The following CLEC16A variants were observed in gnomAD, a reference collection of about 807,000 sequenced individuals.
CLEC16A encodes C-type lectin domain containing 16A.
CLEC16A carries 51 observed loss-of-function variants against 109.5 expected under a neutral mutation model. That is an observed-to-expected ratio of 0.47 (90% confidence interval 0.37 to 0.59). CLEC16A has a LOEUF of 0.59. CLEC16A is among the 20% of genes least tolerant of loss of function. The pLI, the probability that CLEC16A is intolerant of heterozygous loss-of-function variation, is 0.00. For missense variants in CLEC16A, 1,339 were observed against 1,394.0 expected (o/e 0.96, Z 0.63); for synonymous variants, 673 against 564.2 (o/e 1.19, Z -2.73).
At chr16:11,065,044 T>G (rs1365980286) in intron 19 of CLEC16A, among the ~76,000 whole-genome samples, 1 of 152,124 alleles carries the variant, frequency 6.6e-6, no homozygotes, top group Non-Finnish European at 1.5e-5. Context: ...TGGCACTGTT[T>G]TGAGGGGTAA....
At position 10,969,329 on chromosome 16, in the gene CLEC16A, G is replaced by T; in HGVS notation, c.492+20G>T. On this transcript the variant is annotated intron_variant, in intron 4 of 23. Coordinates refer to ENST00000409790, the MANE Select transcript of CLEC16A (RefSeq NM_015226.3). Reference sequence around the variant, plus strand: ...AATGAGGTAAGTAATTGCCAGAGGGGCACGTGTGGGTGTAAAGCCACACGT... The same window carrying T: ...AATGAGGTAAGTAATTGCCAGAGGGTCACGTGTGGGTGTAAAGCCACACGT... 6.4e-7 allele frequency: 1 copy of T among 1,568,628 alleles called. No homozygotes were observed. Among genetic ancestry groups the T allele is most frequent in the Non-Finnish European group, 8.6e-7 (1 of 1,161,382 alleles).
intron 22 of CLEC16A, among the ~76,000 whole-genome samples, chr16:11,165,702 C>A (rs1461205253): frequency 6.6e-6 from 1 of 152,112 alleles, no homozygotes; most frequent in African/African-American, 2.4e-5. Flanking sequence ...GCACCCAGGT[C>A]TGAGTGTCTC....
intron 9 of CLEC16A, among the ~76,000 whole-genome samples, chr16:10,981,923 G>A (rs2043343527): frequency 6.6e-6 from 1 of 152,240 alleles, no homozygotes; most frequent in East Asian, 1.9e-4. Flanking sequence ...TCTAGTGGGT[G>A]GAGGTCAGGG....
chr16:11,005,395 C>A (rs7192695), intron 11 of CLEC16A, among the ~76,000 whole-genome samples: 1 of 152,002 alleles, frequency 6.6e-6, no homozygotes. Flanking sequence ...TTAGCCAGAT[C>A]GTGCCACACA....
At chr16:11,091,742 C>G (rs187661920) in intron 19 of CLEC16A, among the ~76,000 whole-genome samples, 62 of 152,292 alleles carry the variant, frequency 4.1e-4, no homozygotes, top group Admixed American at 1.0e-3. Flanking sequence ...GCCTGAAACA[C>G]AGCAGGCCTC....
intron 10 of CLEC16A, 58 bp downstream of exon 10, chr16:10,983,049 CTG>C (rs1567539829): frequency 1.1e-6 from 1 of 938,704 alleles, no homozygotes; most frequent in Admixed American, 1.9e-5. Context: ...TTTTGCTAAT[CTG>C]TGTGTTTCTC....
At position 11,178,288 on chromosome 16, in the gene CLEC16A, G is replaced by T. The variant is rs1227074839; in HGVS notation, c.2807-47G>T. 2.0e-6 allele frequency: 3 copies of T among 1,516,584 alleles called. No individual in the cohort carries two copies. The highest frequency in any genetic ancestry group is 1.2e-5 in the South Asian group (1 of 82,356). 93.9% of individuals were successfully genotyped at this position (1,516,584 alleles called of 1,614,324 possible). A position where few individuals can be genotyped will look rare whatever the true frequency, so the allele number is the denominator to read the frequency against. ...GGAGCACAGGGCGCAGTGCGACGGG[G>T]TGTCTCAAGGGCTCAGTGTGTTTCC... On this transcript the variant is annotated intron_variant, in intron 23 of 23. Transcript: ENST00000409790. The surrounding 1 kb of genome is among the most constrained non-coding windows in gnomAD (Gnocchi z 6.5).
At chr16:11,093,767 C>T (rs2050448845) in intron 19 of CLEC16A, among the ~76,000 whole-genome samples, 2 of 152,146 alleles carry the variant, frequency 1.3e-5, no homozygotes, top group African/African-American at 4.8e-5. Flanking sequence ...AGAAGGGGCC[C>T]TGCTGAAGGA....
At chr16:11,160,119 T>A (rs1337703364) in intron 22 of CLEC16A, among the ~76,000 whole-genome samples, 1 of 152,000 alleles carries the variant, frequency 6.6e-6, no homozygotes, top group Non-Finnish European at 1.5e-5. Context: ...AAGGGTAGAT[T>A]TTTTTTTAAG....
Position 10,985,216 on chromosome 16 carries a change from A to AT in CLEC16A, c.1071+2225_1071+2226insT, listed in dbSNP as rs1320649141. Among the ~76,000 whole-genome samples the AT allele has an allele frequency of 4.9e-3, 575 of 117,008 alleles. 1 individual carries two copies. Among genetic ancestry groups the AT allele is most frequent in the African/African-American group, 0.021 (539 of 25,318 alleles). The allele number at this position is 117,008 out of a possible 152,430, so 76.8% of individuals were successfully genotyped here. A position where few individuals can be genotyped will look rare whatever the true frequency, so the allele number is the denominator to read the frequency against. On this transcript the variant is annotated intron_variant, in intron 10 of 23. Transcript: ENST00000409790. The stretch of plus-strand genomic sequence containing the variant: ...AGACTCCATCTCAAAAAAAAAAAAA[A>AT]AAAAATATATATATATATATAGTGC...
At chr16:11,002,157 G>A (rs949541983) in intron 10 of CLEC16A, among the ~76,000 whole-genome samples, 1 of 152,142 alleles carries the variant, frequency 6.6e-6, no homozygotes, top group African/African-American at 2.4e-5. Flanking sequence ...CTGTCTCTGT[G>A]CTTCAGTTTC....
chr16:11,025,359 G>C (rs763094987), intron 13 of CLEC16A, among the ~76,000 whole-genome samples: 1 of 152,130 alleles, frequency 6.6e-6, no homozygotes, highest in African/African-American at 2.4e-5. Context: ...GGTGGACTTG[G>C]TGGAAGCATA....
At chr16:10,995,754 TG>T (rs1297968081) in intron 10 of CLEC16A, among the ~76,000 whole-genome samples, 1 of 152,150 alleles carries the variant, frequency 6.6e-6, no homozygotes, top group Admixed American at 6.5e-5. Flanking sequence ...TAGTAGAATG[TG>T]GGTCTCAGAC....
chr16:10,950,886 G>T (rs780657606), intron 1 of CLEC16A, among the ~76,000 whole-genome samples: 9 of 152,134 alleles, frequency 5.9e-5, no homozygotes, highest in Non-Finnish European at 1.0e-4. Context: ...GCCCCACCTT[G>T]CAAATGTACA....
chr16:11,055,423 C>G (rs952148627), intron 18 of CLEC16A, among the ~76,000 whole-genome samples: 1 of 152,012 alleles, frequency 6.6e-6, no homozygotes, highest in South Asian at 2.1e-4. Context: ...GGGAACAGCA[C>G]ACATCCAGTC....
At chr16:10,958,631 C>T (rs867008878) in intron 2 of CLEC16A, among the ~76,000 whole-genome samples, 7 of 152,144 alleles carry the variant, frequency 4.6e-5, no homozygotes, top group East Asian at 1.9e-4. Context: ...CCGCCAGGCG[C>T]GGTGGCTCAC....
intron 13 of CLEC16A, chr16:11,027,140 G>T: frequency 1.4e-6 from 2 of 1,462,430 alleles, no homozygotes; most frequent in South Asian, 1.1e-5. Flanking sequence ...TGGCAAAGAA[G>T]GAGCAGAAGA....
At chr16:11,013,039 G>T (rs149786731) in intron 11 of CLEC16A, among the ~76,000 whole-genome samples, 2 of 152,110 alleles carry the variant, frequency 1.3e-5, no homozygotes, top group Admixed American at 1.3e-4. Flanking sequence ...CTCAGACTGC[G>T]CCTGTGTGGA....
intron 10 of CLEC16A, among the ~76,000 whole-genome samples, chr16:10,985,800 C>T (rs973626721): frequency 6.6e-6 from 1 of 151,848 alleles, no homozygotes. Flanking sequence ...TCACTGCAGC[C>T]TCTGCCTCTG....
Sources: gnomAD v4.1 joint callset for allele counts (sites outside exome capture counted in the v4.1 genomes callset) on GRCh38, gnomAD v4.1.1 for gene constraint, Gnocchi (gnomAD v3.1) non-coding constraint, MANE v1.5 for transcripts, NCBI Gene and HGNC (gene_info 2026-07-23, HGNC 2026-07-21) for gene names.